KANK3: variants seen among roughly 807,000 people sequenced by gnomAD.
KANK3 encodes the protein KN motif and ankyrin repeat domain-containing protein 3.
In KANK3, 61 loss-of-function variants were observed where a neutral mutation model predicts 65.4. That is an observed-to-expected ratio of 0.93 (90% CI 0.76 to 1.15). The LOEUF (loss-of-function observed/expected upper bound fraction) is 1.15, where lower values mean the gene tolerates loss of function less well. KANK3 is among the 50% of genes most tolerant of loss of function. The pLI is 0.00. For missense variants in KANK3, 1,187 were observed against 1,178.8 expected (o/e 1.01, Z -0.10); for synonymous variants, 586 against 543.3 (o/e 1.08, Z -1.09).
Position 8,334,642 on chromosome 19 carries a change from G to A in KANK3, c.1185C>T (p.Ala395=), listed in dbSNP as rs956448627. ...TCTGGGTGGTGGCCTCGCGTAGCTG[G>A]GCCCGGGCCCCCGCCGCTGCCTCCT... ...AAEEAAAGAR[A]QLREATTQTP... The change falls in exon 3 of 11, where the codon GCC becomes GCT. Residue 395 remains alanine (A), a synonymous_variant. Coordinates refer to ENST00000330915, the MANE Select transcript of KANK3 (RefSeq NM_198471.3). The A allele has an allele frequency of 1.3e-6, 2 of 1,533,052 alleles. No homozygotes were observed. The highest frequency in any genetic ancestry group is 2.8e-5 in the African/African-American group (2 of 72,586). 95.0% of individuals were successfully genotyped at this position (1,533,052 alleles called of 1,614,324 possible). A position where few individuals can be genotyped will look rare whatever the true frequency, so the allele number is the denominator to read the frequency against.
At chr19:8,324,055 T>TC (rs1970374091) in intron 10 of KANK3, among the ~76,000 whole-genome samples, 1 of 152,138 alleles carries the variant, frequency 6.6e-6, no homozygotes, top group Admixed American at 6.6e-5. Flanking sequence ...CTTAGGTTAC[T>TC]TCCCCCCTTG....
rs1256742347 is a variant in KANK3, at chr19:8,333,717, C to T, written c.1719+7G>A. On this transcript the variant is annotated splice_region_variant and intron_variant, in intron 6 of 10. Coordinates refer to ENST00000330915, the MANE Select transcript of KANK3 (RefSeq NM_198471.3). The surrounding 1 kb of genome is among the most constrained non-coding windows in gnomAD (Gnocchi z 5.0). The stretch of plus-strand genomic sequence containing the variant: ...ACTCCCTGGTGCTGCGCTCCCGGGG[C>T]ACTCACGCCGTCGCTGGCTACTCCG... 8.3e-6 allele frequency: 12 copies of T among 1,450,900 alleles called. No homozygotes were observed. In the Admixed American group the frequency reaches 2.6e-4, roughly 32 times the overall value. 89.9% of individuals were successfully genotyped at this position (1,450,900 alleles called of 1,614,324 possible).
intron 1 of KANK3, among the ~76,000 whole-genome samples, chr19:8,338,545 G>C (rs998525088): frequency 6.6e-6 from 1 of 152,204 alleles, no homozygotes; most frequent in Middle Eastern, 3.4e-3. Context: ...CTTTAGGAAA[G>C]AAAGACCAGA....
chr19:8,327,129 G>T (rs2913949), intron 7 of KANK3, among the ~76,000 whole-genome samples: 22,747 of 152,018 alleles, frequency 0.15, 2,035 homozygotes, highest in Non-Finnish European at 0.21. Context: ...AGCGGGGTCG[G>T]GGTCATGAGA....
In KANK3 at chr19:8,333,526, G is replaced by C. The variant is rs1488773183; in HGVS notation, c.1719+198C>G. ...CTTGCCCTTGGGGAGTCCGGGAGTG[G>C]GGCTGGGGCCGGGCCTTTTTGGGGA... On this transcript the variant is annotated intron_variant, in intron 6 of 10. Coordinates refer to ENST00000330915, the MANE Select transcript of KANK3 (RefSeq NM_198471.3). The surrounding 1 kb of genome is among the most constrained non-coding windows in gnomAD (Gnocchi z 5.0). Among the ~76,000 whole-genome samples the C allele has an allele frequency of 6.6e-6, 1 of 152,340 alleles. No individual in the cohort carries two copies. The highest frequency in any genetic ancestry group is 1.9e-4 in the East Asian group (1 of 5,186).
At position 8,335,218 on chromosome 19, in the gene KANK3, CT is replaced by C. The variant is rs1970613277; in HGVS notation, c.608del (p.Gln203ArgfsTer138). Reference protein sequence around the residue: ...ALRRLRELEDQARTLPELQEQ... With the variant: ...ALRRLRELEDXARTLPELQEQ... ...CCTGCAGCTCGGGCAGCGTTCGCGC[CT>C]GGTCCTCGAGCTCGCGCAGGCGCCG... is the stretch of plus-strand genomic sequence containing the variant. On this transcript the variant is annotated frameshift_variant, in exon 3 of 11. Coordinates refer to ENST00000330915, the MANE Select transcript of KANK3 (RefSeq NM_198471.3). LOFTEE classifies it high-confidence loss of function. 1 of 1,222,366 alleles carries C rather than the reference CT, an allele frequency of 8.2e-7. No homozygotes were observed. The highest frequency in any genetic ancestry group is 4.4e-5 in the Admixed American group (1 of 22,780). 75.7% of individuals were successfully genotyped at this position (1,222,366 alleles called of 1,614,324 possible).
At chr19:8,332,816 AAAAATAAAAT>A (rs71175837) in intron 7 of KANK3, 188 bp downstream of exon 7, 207 of 239,740 alleles carry the variant, frequency 8.6e-4, no homozygotes, top group South Asian at 7.9e-3. Context: ...ACTCCGTCTC[AAAAATAAAAT>A]AAAATAAAAT....
At position 8,334,633 on chromosome 19, in the gene KANK3, G is replaced by A; in HGVS notation, c.1194C>T (p.Arg398=). Residue 398 remains arginine, a synonymous_variant, in exon 3 of 11, where the codon CGC becomes CGT. Transcript: ENST00000330915. Reference sequence around the variant, plus strand: ...TCCACGGGGTCTGGGTGGTGGCCTCGCGTAGCTGGGCCCGGGCCCCCGCCG... The same window carrying A: ...TCCACGGGGTCTGGGTGGTGGCCTCACGTAGCTGGGCCCGGGCCCCCGCCG... The part of the protein sequence containing the change: ...EAAAGARAQL[R]EATTQTPWSC... The A allele has an allele frequency of 6.5e-7, 1 of 1,544,008 alleles. No homozygotes were observed. Among genetic ancestry groups the A allele is most frequent in the Non-Finnish European group, 8.7e-7 (1 of 1,151,924 alleles).
Position 8,336,327 on chromosome 19 carries a change from CTCCGGAAG to C in KANK3, c.35-543_35-536del, listed in dbSNP as rs1195164000. Among the ~76,000 whole-genome samples the C allele has an allele frequency of 2.0e-5, 3 of 151,988 alleles. No individual in the cohort carries two copies. The East Asian group carries it at 5.8e-4, about 29-fold the overall frequency. ...TGGCGCGCGCCTGTAATCCCAGCTA[CTCCGGAAG>C]CTGAGGCAGGAGAATCACTTGATCC... On this transcript the variant is annotated intron_variant, in intron 2 of 10. Coordinates refer to ENST00000330915, the MANE Select transcript of KANK3 (RefSeq NM_198471.3).
Position 8,334,693 on chromosome 19 carries a change from C to T in KANK3, c.1134G>A (p.Glu378=). 6.5e-7 allele frequency: 1 copy of T among 1,533,004 alleles called. No individual in the cohort carries two copies. The allele number at this position is 1,533,004 out of a possible 1,614,324, so 95.0% of individuals were successfully genotyped here. A position where few individuals can be genotyped will look rare whatever the true frequency, so the allele number is the denominator to read the frequency against. The change falls in exon 3 of 11, where the codon GAG becomes GAA. Residue 378 remains glutamate, a synonymous_variant. Coordinates refer to ENST00000330915, the MANE Select transcript of KANK3 (RefSeq NM_198471.3). ...VSELLRGRLR[E]LEEAREAAEE... is the part of the protein sequence containing the mutation. Reference sequence around the variant, plus strand: ...CCGCAGCCTCGCGGGCTTCCTCCAGCTCCCGCAACCGGCCCCGCAGAAGCT... The same window carrying T: ...CCGCAGCCTCGCGGGCTTCCTCCAGTTCCCGCAACCGGCCCCGCAGAAGCT...
chr19:8,333,199 A>T lies in KANK3; in HGVS notation c.1751T>A (p.Phe584Tyr). 1.9e-6 allele frequency: 3 copies of T among 1,612,348 alleles called. No individual in the cohort carries two copies. Among genetic ancestry groups the T allele is most frequent in the Non-Finnish European group, 2.5e-6 (3 of 1,179,782 alleles). ...GAVRLVAQEW[F>Y]RVSSQRRSQA... ...AGAGCGCCGCTGGCTGGACACTCGA[A>T]ACCACTCCTGGGCCACGAGGCGCAC... is the stretch of plus-strand genomic sequence containing the variant. The change falls in exon 7 of 11, where the codon TTT (phenylalanine) becomes TAT (tyrosine). Residue 584 changes from phenylalanine (F) to tyrosine (Y), a missense_variant. Around this residue, in one of 3 missense-constraint regions of KANK3, gnomAD observed 1,078 missense variants for 1,038.2 expected, o/e 1.04. Transcript: ENST00000330915. The surrounding 1 kb of genome is among the most constrained non-coding windows in gnomAD (Gnocchi z 5.0).
At chr19:8,325,498 C>T (rs1006485831) in intron 7 of KANK3, among the ~76,000 whole-genome samples, 12 of 151,578 alleles carry the variant, frequency 7.9e-5, no homozygotes, top group African/African-American at 2.9e-4. Context: ...GTCTCGAACT[C>T]CTGACCTCAA....
chr19:8,339,060 T>G (rs1317929490), intron 1 of KANK3, among the ~76,000 whole-genome samples: 3 of 152,076 alleles, frequency 2.0e-5, no homozygotes, highest in African/African-American at 7.2e-5. Flanking sequence ...GGCTTGATCC[T>G]TGGCTTGTAA....
intron 9 of KANK3, 22 bp downstream of exon 9, chr19:8,324,608 C>A (rs201462799): frequency 6.2e-7 from 1 of 1,613,088 alleles, no homozygotes; most frequent in East Asian, 2.2e-5. Flanking sequence ...CCCAAGATGC[C>A]AGCCCCATTG....
intron 7 of KANK3, among the ~76,000 whole-genome samples, chr19:8,328,738 A>T (rs1970472107): frequency 1.3e-5 from 2 of 152,010 alleles, no homozygotes; most frequent in Non-Finnish European, 2.9e-5. Context: ...GAGAAGTGAG[A>T]TTCTGTAACG....
At chr19:8,339,355 C>G (rs377121928) in intron 1 of KANK3, among the ~76,000 whole-genome samples, 1 of 104,628 alleles carries the variant, frequency 9.6e-6, no homozygotes, top group Non-Finnish European at 2.1e-5. Context: ...GACCCTATCT[C>G]TTTTTGTTTT....
At position 8,335,159 on chromosome 19, in the gene KANK3, C is replaced by T. The variant is rs1298431036; in HGVS notation, c.668G>A (p.Arg223Gln). The change falls in exon 3 of 11, where the codon CGG (arginine) becomes CAG (glutamine). Residue 223 changes from arginine (R) to glutamine (Q), a missense_variant. Coordinates refer to ENST00000330915, the MANE Select transcript of KANK3 (RefSeq NM_198471.3). ...GGGCTGCGCGCGCCCGGCCAGCAGC[C>T]GCGCCTTCTCGGCGCGCAGCGCGCG... is the stretch of plus-strand genomic sequence containing the variant. ...QVRALRAEKA[R>Q]LLAGRAQPEP... is the part of the protein sequence containing the mutation. 13 of 1,215,534 alleles carry T rather than the reference C, an allele frequency of 1.1e-5. No individual in the cohort carries two copies. The highest frequency in any genetic ancestry group is 1.6e-5 in the African/African-American group (1 of 62,920). 75.3% of individuals were successfully genotyped at this position (1,215,534 alleles called of 1,614,324 possible).
chr19:8,322,938 AAG>A lies in KANK3; in HGVS notation c.2383-18_2383-17del, dbSNP rs761435490. 14 of 1,399,428 alleles carry A rather than the reference AAG, an allele frequency of 1.0e-5. No individual in the cohort carries two copies. The highest frequency in any genetic ancestry group is 2.6e-5 in the East Asian group (1 of 38,792). The allele number at this position is 1,399,428 out of a possible 1,614,324, so 86.7% of individuals were successfully genotyped here. On this transcript the variant is annotated splice_polypyrimidine_tract_variant and intron_variant, in intron 10 of 10. Transcript: ENST00000330915. ...GTGACTCGCTCTGGAGAGAGGGGAAAAGAGGGGGGCCTGCTGCAATCTCCTTG... is the reference window on the plus strand; with the variant it reads ...GTGACTCGCTCTGGAGAGAGGGGAAAAGGGGGGCCTGCTGCAATCTCCTTG...
In KANK3 at chr19:8,337,856, C is replaced by T; in HGVS notation, c.-28G>A. 6.2e-7 allele frequency: 1 copy of T among 1,613,170 alleles called. No homozygotes were observed. The highest frequency in any genetic ancestry group is 8.5e-7 in the Non-Finnish European group (1 of 1,179,976). On this transcript the variant is annotated splice_region_variant and 5_prime_UTR_variant, in exon 2 of 11. Coordinates refer to ENST00000330915, the MANE Select transcript of KANK3 (RefSeq NM_198471.3). ...TTCCTGCAGCAGCTGTCAGAGGCAC[C>T]CTGCAAAAGGGGTGAAGGTGGGGCT...
Sources: gnomAD v4.1 joint callset for allele counts (sites outside exome capture counted in the v4.1 genomes callset) on GRCh38, gnomAD v4.1.1 for gene constraint, gnomAD v4.1.1 regional missense constraint, Gnocchi (gnomAD v3.1) non-coding constraint, MANE v1.5 for transcripts, NCBI Gene and HGNC (gene_info 2026-07-23, HGNC 2026-07-21) for gene names.